Variants in CCDC122 observed in about 807,000 individuals in gnomAD.
The protein encoded by CCDC122 is coiled-coil domain-containing protein 122.
A neutral mutation model predicts 37.0 loss-of-function variants in CCDC122; 38 were observed. The ratio of observed to expected loss-of-function variants is 1.03; its 90% CI spans 0.79 to 1.35. CCDC122 has a LOEUF of 1.35. Among genes scored for constraint, CCDC122 ranks in the 40% most tolerant of loss-of-function variants. The pLI, the probability that CCDC122 is intolerant of heterozygous loss-of-function variation, is 0.00. For missense variants in CCDC122, 305 were observed against 310.0 expected (o/e 0.98, Z 0.12); for synonymous variants, 83 against 95.6 (o/e 0.87, Z 0.77).
At chr13:43,821,467 G>A (rs1952991969), downstream of CCDC122, among the ~76,000 whole-genome samples, 1 of 152,122 alleles carries the variant, frequency 6.6e-6, no homozygotes, top group African/African-American at 2.4e-5. Flanking sequence ...CAAGTGATCT[G>A]CCTGGCTCAG....
chr13:43,856,579 G>A lies in CCDC122; in HGVS notation c.672+2202C>T, dbSNP rs147310230. On this transcript the variant is annotated intron_variant, in intron 6 of 6. Coordinates refer to ENST00000444614, the MANE Select transcript of CCDC122 (RefSeq NM_144974.5). ...TGGGAGGCAGAGCTTGCAGTGAGCC[G>A]AGATTGCACTACTGCACTCTAGCCT... 1,235 of 168,064 alleles carry A rather than the reference G, an allele frequency of 7.3e-3. 36 individuals are homozygous for A. The highest frequency in any genetic ancestry group is 0.049 in the Admixed American group (798 of 16,162). The allele number at this position is 168,064 out of a possible 1,614,324, so 10.4% of individuals were successfully genotyped here.
At chr13:43,874,622 T>C (rs1417009459) in intron 2 of CCDC122, 11 of 152,142 alleles carry the variant, frequency 7.2e-5, no homozygotes, top group Admixed American at 7.2e-4. Context: ...TGCTGTAAAA[T>C]TGGAAAAGTT....
At chr13:43,837,519 A>C (rs1953209091) in intron 6 of CCDC122, 90 bp from the exon 7 acceptor site, 5 of 1,125,336 alleles carry the variant, frequency 4.4e-6, no homozygotes, top group African/African-American at 1.6e-5. Context: ...TAAAGAGGGA[A>C]GCACTTAATT....
chr13:43,858,729 A>C (rs1019657986), intron 6 of CCDC122, 52 bp downstream of exon 6: 1 of 1,238,266 alleles, frequency 8.1e-7, no homozygotes. Context: ...TATAGTGTTA[A>C]GTTTTAAAAA....
At chr13:43,838,240 A>G (rs1225117781) in intron 6 of CCDC122, among the ~76,000 whole-genome samples, 1 of 152,202 alleles carries the variant, frequency 6.6e-6, no homozygotes, top group African/African-American at 2.4e-5. Flanking sequence ...TAATTTGTCT[A>G]AAGTTTTTCT....
chr13:43,821,388 TA>T (rs1952991560), downstream of CCDC122, among the ~76,000 whole-genome samples: 1 of 152,116 alleles, frequency 6.6e-6, no homozygotes, highest in African/African-American at 2.4e-5. Flanking sequence ...AATGTCTAGG[TA>T]ATTTTTGTAT....
intron 4 of CCDC122, 105 bp downstream of exon 4, chr13:43,868,589 A>C (rs1335191693): frequency 3.3e-5 from 19 of 581,238 alleles, no homozygotes; most frequent in Non-Finnish European, 5.3e-5. Flanking sequence ...ATTGACAGAG[A>C]ATAACTTTAA....
intron 6 of CCDC122, among the ~76,000 whole-genome samples, chr13:43,839,817 A>G (rs1368532869): frequency 1.3e-5 from 2 of 152,354 alleles, no homozygotes; most frequent in East Asian, 3.9e-4. Flanking sequence ...AACTTCAGCC[A>G]AATTAAATTT....
At chr13:43,848,804 T>G (rs754927141) in intron 6 of CCDC122, 147 of 834,292 alleles carry the variant, frequency 1.8e-4, no homozygotes, top group Non-Finnish European at 2.0e-4. Flanking sequence ...TTTAAAATAA[T>G]TAGAACAAAA....
downstream of CCDC122, among the ~76,000 whole-genome samples, chr13:43,821,216 G>C (rs1952990402): frequency 6.6e-6 from 1 of 151,950 alleles, no homozygotes; most frequent in African/African-American, 2.4e-5. Context: ...TTTATGTAGG[G>C]GTTTTTAAAA....
chr13:43,868,506 T>C (rs1006018366), intron 4 of CCDC122, among the ~76,000 whole-genome samples, 188 bp downstream of exon 4: 5 of 152,136 alleles, frequency 3.3e-5, no homozygotes, highest in Non-Finnish European at 5.9e-5. Context: ...GTTGAATCTT[T>C]ATATGTTGGG....
chr13:43,878,559 A>G (rs1954738016), intron 1 of CCDC122, among the ~76,000 whole-genome samples: 1 of 152,154 alleles, frequency 6.6e-6, no homozygotes, highest in African/African-American at 2.4e-5. Flanking sequence ...ATGAGCAACA[A>G]TGAAGATAAA....
chr13:43,876,909 G>A (rs1264890203), intron 1 of CCDC122, among the ~76,000 whole-genome samples: 2 of 152,158 alleles, frequency 1.3e-5, no homozygotes, highest in Non-Finnish European at 1.5e-5. Flanking sequence ...TCAGGAGTTC[G>A]AGACCATCCT....
intron 2 of CCDC122, among the ~76,000 whole-genome samples, chr13:43,871,350 C>T (rs1954446417): frequency 6.6e-6 from 1 of 152,052 alleles, no homozygotes; most frequent in Non-Finnish European, 1.5e-5. Context: ...CCAATGAGTT[C>T]TTCATGCTCT....
rs373207226 is a variant in CCDC122, at chr13:43,847,164, C to A, written c.673-9735G>T. ...AGCAGTTAAAAATAATTACGTAGGC[C>A]AATTTGCACCAATATGAAAAATCTA... On this transcript the variant is annotated intron_variant, in intron 6 of 6. Transcript: ENST00000444614. 4.6e-5 allele frequency among the ~76,000 whole-genome samples: 7 copies of A among 152,086 alleles called. No homozygotes were observed. In the East Asian group the frequency reaches 9.6e-4, roughly 21 times the overall value.
downstream of CCDC122, among the ~76,000 whole-genome samples, chr13:43,832,318 A>G (rs991818811): frequency 1.3e-5 from 2 of 152,144 alleles, no homozygotes; most frequent in Non-Finnish European, 2.9e-5. Context: ...TGAGCAACTA[A>G]CAAATCAAAA....
intron 1 of CCDC122, among the ~76,000 whole-genome samples, chr13:43,875,139 T>G (rs928200221): frequency 2.0e-4 from 31 of 152,154 alleles, no homozygotes; most frequent in Admixed American, 1.8e-3. Context: ...AATCCAAGCT[T>G]TAAAGGATGT....
At chr13:43,864,553 G>A (rs1048900029) in intron 4 of CCDC122, among the ~76,000 whole-genome samples, 3 of 152,000 alleles carry the variant, frequency 2.0e-5, no homozygotes, top group East Asian at 1.9e-4. Flanking sequence ...GCCGGGAGGC[G>A]CCAGGCTCTT....
chr13:43,848,149 T>C (rs775897687), intron 6 of CCDC122, among the ~76,000 whole-genome samples: 4 of 152,222 alleles, frequency 2.6e-5, no homozygotes, highest in South Asian at 2.1e-4. Flanking sequence ...AATGAATGCA[T>C]TTGTTAATTA....
Sources: gnomAD v4.1 joint callset for allele counts (sites outside exome capture counted in the v4.1 genomes callset) on GRCh38, gnomAD v4.1.1 for gene constraint, MANE v1.5 for transcripts, NCBI Gene and HGNC (gene_info 2026-07-23, HGNC 2026-07-21) for gene names.